Variants in WASHC5 observed in about 807,000 individuals in gnomAD.
WASHC5 encodes the protein WASH complex subunit 5, also known as WASH complex subunit strumpellin.
Under a neutral mutation model 150.4 loss-of-function variants are expected in WASHC5, and 101 were observed. The observed-to-expected ratio is 0.67, with a 90% CI of 0.57 to 0.79. The LOEUF (loss-of-function observed/expected upper bound fraction) is 0.79. Ranked by LOEUF, WASHC5 falls within the 30% of genes least tolerant of loss-of-function variation. WASHC5 has a pLI of 0.00. For synonymous variants in WASHC5, 467 were observed against 491.2 expected (o/e 0.95, Z 0.65); for missense variants, 1,195 against 1,396.3 (o/e 0.86, Z 2.30).
rs1280893386 is a variant in WASHC5, at chr8:125,026,656, TC to T, written c.3423+1963del. Among the ~76,000 whole-genome samples, 3 of 152,252 alleles carry T rather than the reference TC, an allele frequency of 2.0e-5. No individual in the cohort carries two copies. The East Asian group carries it at 5.8e-4, about 29-fold the overall frequency. Reference sequence around the variant, plus strand: ...TGAACTTACATCTATTGACTAATATTCCCTTTCTCTCTTAATTTGAGATGCT... The same window carrying T: ...TGAACTTACATCTATTGACTAATATTCCTTTCTCTCTTAATTTGAGATGCT... On this transcript the variant is annotated intron_variant, in intron 28 of 28. Coordinates refer to ENST00000318410, the MANE Select transcript of WASHC5 (RefSeq NM_014846.4).
At chr8:125,064,344 G>A (rs967383598) in intron 10 of WASHC5, among the ~76,000 whole-genome samples, 29 of 151,532 alleles carry the variant, frequency 1.9e-4, no homozygotes, top group Admixed American at 5.3e-4. Flanking sequence ...CTAGGGCTAT[G>A]GGCATGCGCC....
Position 125,037,305 on chromosome 8 carries a change from T to C in WASHC5, c.3113A>G (p.Tyr1038Cys), listed in dbSNP as rs1053397256. ...AAATAGAAAGTTTACAATTGGAAAA[T>C]AGGGTAAGCGCTTTGTTGTTATGTA... ...KIYITTKRLP[Y>C]FPIVNFLFLI... The change falls in exon 26 of 29, where the codon TAT becomes TGT. Residue 1038 changes from tyrosine to cysteine, a missense_variant. Physicochemically the swap from Tyr to Cys is radical, Grantham distance 194. Transcript: ENST00000318410. The C allele has an allele frequency of 1.2e-6, 2 of 1,611,452 alleles. No individual in the cohort carries two copies. The highest frequency in any genetic ancestry group is 1.7e-6 in the Non-Finnish European group (2 of 1,177,768).
intron 5 of WASHC5, among the ~76,000 whole-genome samples, chr8:125,080,152 G>A (rs895395413): frequency 2.0e-5 from 3 of 152,114 alleles, no homozygotes; most frequent in South Asian, 2.1e-4. Flanking sequence ...CTTTTGCCAC[G>A]ACTGTGACTT....
chr8:125,062,105 A>C (rs1224517176), intron 11 of WASHC5, among the ~76,000 whole-genome samples: 1 of 152,156 alleles, frequency 6.6e-6, no homozygotes, highest in Non-Finnish European at 1.5e-5. Flanking sequence ...TTGGCATGAC[A>C]AACACTCATT....
chr8:125,088,772 A>G (rs900088453), intron 1 of WASHC5, among the ~76,000 whole-genome samples: 2 of 152,168 alleles, frequency 1.3e-5, no homozygotes, highest in East Asian at 1.9e-4. Flanking sequence ...TCCGGACCAT[A>G]GATGCTATAA....
intron 21 of WASHC5, 135 bp from the exon 22 acceptor site, chr8:125,044,229 A>G (rs1307726531): frequency 2.7e-6 from 2 of 727,672 alleles, no homozygotes; most frequent in Non-Finnish European, 4.8e-6. Flanking sequence ...ATGACAGCAA[A>G]AAGAAGCAAC....
At chr8:125,030,729 ACTC>A in intron 27 of WASHC5, among the ~76,000 whole-genome samples, 1 of 150,948 alleles carries the variant, frequency 6.6e-6, no homozygotes, top group South Asian at 2.1e-4. Context: ...GACGTGTAAT[ACTC>A]CTCTGTGCCA....
At chr8:125,045,335 C>T (rs991355548) in intron 20 of WASHC5, among the ~76,000 whole-genome samples, 1 of 152,168 alleles carries the variant, frequency 6.6e-6, no homozygotes, top group African/African-American at 2.4e-5. Flanking sequence ...TTTCCATGTG[C>T]TATTTCATCC....
Position 125,063,595 on chromosome 8 carries a change from C to T in WASHC5, c.1335G>A (p.Glu445=), listed in dbSNP as rs1816665546. ...CAAGCTCAGTCATCCGCTCCGAACC[C>T]TCTTTCTTGTAATGCTCCCATTTGG... The part of the protein sequence containing the change: ...KQTKWEHYKK[E]GSERMTELAD... The change falls in exon 11 of 29, where the codon GAG becomes GAA. Residue 445 remains glutamate, a synonymous_variant. Transcript: ENST00000318410. 1 of 1,613,862 alleles carries T rather than the reference C, an allele frequency of 6.2e-7. No homozygotes were observed. The highest frequency in any genetic ancestry group is 1.1e-5 in the South Asian group (1 of 91,082).
intron 5 of WASHC5, among the ~76,000 whole-genome samples, chr8:125,079,803 C>G (rs77203572): frequency 0.13 from 19,609 of 151,990 alleles, 3,062 homozygotes; most frequent in African/African-American, 0.38. Context: ...ATGATTTCAG[C>G]TTACATCAGG....
chr8:125,059,387 C>T lies in WASHC5; in HGVS notation c.1677G>A (p.Gln559=). 6.2e-7 allele frequency: 1 copy of T among 1,614,220 alleles called. No individual in the cohort carries two copies. Reference sequence around the variant, plus strand: ...GCTGCCTACATTACCTGTCAATCAACTGCCAAGCGAAAGAAAGGTCCCCAA... The same window carrying T: ...GCTGCCTACATTACCTGTCAATCAATTGCCAAGCGAAAGAAAGGTCCCCAA... The part of the protein sequence containing the change: ...QIVGDLSFAW[Q]LIDSFTSIMQ... The change falls in exon 13 of 29, where the codon CAG becomes CAA. Residue 559 remains glutamine (Q), a synonymous_variant. Transcript: ENST00000318410.
intron 18 of WASHC5, 123 bp from the exon 19 acceptor site, chr8:125,049,308 CAG>C: frequency 9.9e-7 from 1 of 1,014,840 alleles, no homozygotes; most frequent in Non-Finnish European, 1.5e-6. Context: ...CCTGTAACCC[CAG>C]CACTTTGGGA....
chr8:125,081,622 C>T (rs1817264986), intron 5 of WASHC5, 39 bp downstream of exon 5: 2 of 1,134,582 alleles, frequency 1.8e-6, no homozygotes, highest in East Asian at 4.7e-5. Context: ...ATTTTACCGA[C>T]AGCAGCGTTT....
At chr8:125,063,748 A>G (rs983176797) in intron 10 of WASHC5, 97 bp from the exon 11 acceptor site, 3 of 1,082,066 alleles carry the variant, frequency 2.8e-6, no homozygotes. Flanking sequence ...TAAATTTTAA[A>G]TAAGAAGCTA....
chr8:125,081,626 A>G (rs1186348302), intron 5 of WASHC5, 35 bp downstream of exon 5: 4 of 1,167,568 alleles, frequency 3.4e-6, no homozygotes, highest in Non-Finnish European at 3.9e-6. Flanking sequence ...TACCGACAGC[A>G]GCGTTTCGGA....
At chr8:125,067,538 T>C in intron 10 of WASHC5, 54 bp downstream of exon 10, 1 of 1,459,962 alleles carries the variant, frequency 6.8e-7, no homozygotes, top group Admixed American at 1.7e-5. Flanking sequence ...TTAAAAAATA[T>C]TTTTAAGCAT....
Position 125,024,635 on chromosome 8 carries a change from C to T in WASHC5, c.3462G>A (p.Glu1154=), listed in dbSNP as rs759863027. The T allele has an allele frequency of 5.6e-6, 9 of 1,610,616 alleles. No individual in the cohort carries two copies. The highest frequency in any genetic ancestry group is 1.7e-4 in the Middle Eastern group (1 of 6,046). Residue 1154 remains glutamate (E), a synonymous_variant, in exon 29 of 29, where the codon GAG becomes GAA. Transcript: ENST00000318410. The part of the protein sequence containing the change: ...EAHVPNFIFD[E]FRTVL The stretch of plus-strand genomic sequence containing the variant: ...AAAACAGTTACAGCACTGTTCTGAA[C>T]TCATCAAAAATGAAATTAGGCACAT...
chr8:125,072,702 T>C (rs1031834521), intron 9 of WASHC5, among the ~76,000 whole-genome samples: 13 of 152,150 alleles, frequency 8.5e-5, no homozygotes, highest in African/African-American at 2.4e-4. Flanking sequence ...CTGAGTCCAC[T>C]GGGATAATCC....
At chr8:125,077,954 T>C (rs1281797232) in intron 6 of WASHC5, among the ~76,000 whole-genome samples, 1 of 152,152 alleles carries the variant, frequency 6.6e-6, no homozygotes, top group East Asian at 1.9e-4. Flanking sequence ...ACTTAACATA[T>C]TCACACAAAA....
Sources: gnomAD v4.1 joint callset for allele counts (sites outside exome capture counted in the v4.1 genomes callset) on GRCh38, gnomAD v4.1.1 for gene constraint, MANE v1.5 for transcripts, NCBI Gene and HGNC (gene_info 2026-07-23, HGNC 2026-07-21) for gene names.